Variants in KHDRBS3 observed in about 807,000 individuals in gnomAD.
KHDRBS3 encodes the protein KH RNA binding domain containing, signal transduction associated 3.
In KHDRBS3, 23 loss-of-function variants were observed where a neutral mutation model predicts 45.6. The ratio of observed to expected loss-of-function variants is 0.50; its 90% CI spans 0.36 to 0.72. The LOEUF (loss-of-function observed/expected upper bound fraction) is 0.72. KHDRBS3 is among the 30% of genes least tolerant of loss of function. The pLI, the probability that KHDRBS3 is intolerant of heterozygous loss-of-function variation, is 0.00. For synonymous variants in KHDRBS3, 162 were observed against 156.5 expected (o/e 1.04, Z -0.26); for missense variants, 352 against 424.8 (o/e 0.83, Z 1.51).
downstream of KHDRBS3, among the ~76,000 whole-genome samples, chr8:135,651,643 A>G (rs1336233886): frequency 1.3e-5 from 2 of 152,138 alleles, no homozygotes; most frequent in South Asian, 2.1e-4. Flanking sequence ...ATAGTGCCTC[A>G]TTTAGTCTGT....
intron 4 of KHDRBS3, among the ~76,000 whole-genome samples, chr8:135,554,007 A>G (rs547059534): frequency 3.9e-4 from 60 of 152,328 alleles, no homozygotes; most frequent in African/African-American, 1.4e-3. Context: ...TATAATGGTT[A>G]TATCAACAGT....
chr8:135,578,850 G>A (rs770456482), intron 5 of KHDRBS3, among the ~76,000 whole-genome samples: 2 of 152,146 alleles, frequency 1.3e-5, no homozygotes, highest in Non-Finnish European at 2.9e-5. Flanking sequence ...GAACGTGGAT[G>A]TTACTCCTTT....
intron 1 of KHDRBS3, among the ~76,000 whole-genome samples, chr8:135,506,604 A>G (rs528216713): frequency 1.3e-5 from 2 of 152,082 alleles, no homozygotes; most frequent in African/African-American, 4.8e-5. Flanking sequence ...GGGTGTCACC[A>G]TACTGGCCAG....
At chr8:135,631,120 G>C (rs180882354) in intron 7 of KHDRBS3, among the ~76,000 whole-genome samples, 1 of 151,854 alleles carries the variant, frequency 6.6e-6, no homozygotes. Context: ...GTGTGATGAC[G>C]TGCACCTGTA....
intron 7 of KHDRBS3, chr8:135,625,403 C>T (rs541934261): frequency 2.5e-6 from 2 of 792,576 alleles, no homozygotes; most frequent in African/African-American, 3.4e-5. Context: ...TGCATCAACT[C>T]AGCTGCCTCA....
intron 7 of KHDRBS3, among the ~76,000 whole-genome samples, chr8:135,616,739 A>G (rs1317005057): frequency 6.6e-6 from 1 of 152,206 alleles, no homozygotes; most frequent in Non-Finnish European, 1.5e-5. Flanking sequence ...GCTTGTGTTG[A>G]TGACCAAACC....
chr8:135,468,234 T>G (rs971466034), intron 1 of KHDRBS3, among the ~76,000 whole-genome samples: 3 of 152,182 alleles, frequency 2.0e-5, no homozygotes, highest in Non-Finnish European at 1.5e-5. Flanking sequence ...GGCTTAGTAT[T>G]TTTTTAATCT....
At chr8:135,570,049 A>ATT (rs1198557891) in intron 5 of KHDRBS3, among the ~76,000 whole-genome samples, 1 of 152,204 alleles carries the variant, frequency 6.6e-6, no homozygotes, top group African/African-American at 2.4e-5. Flanking sequence ...TTACGGGGCA[A>ATT]TTCTGTATCT....
In KHDRBS3 at chr8:135,647,040, A is replaced by G. The variant is rs752776127; in HGVS notation, c.997A>G (p.Thr333Ala). ...NSRHKAPSAR[T>A]AKGVYRDQPY... is the part of the protein sequence containing the mutation. ...AAGACACAAGGCACCTTCAGCGAGG[A>G]CAGCAAAGGGCGTCTACAGAGACCA... The change falls in exon 9 of 9, where the codon ACA (threonine) becomes GCA (alanine). Residue 333 changes from threonine (T) to alanine (A), a missense_variant. Transcript: ENST00000355849. 5 of 1,611,412 alleles carry G rather than the reference A, an allele frequency of 3.1e-6. No homozygotes were observed. The highest frequency in any genetic ancestry group is 4.2e-6 in the Non-Finnish European group (5 of 1,177,548).
At position 135,593,983 on chromosome 8, in the gene KHDRBS3, G is replaced by A. The variant is rs536586857; in HGVS notation, c.807+11910G>A. 4.5e-3 allele frequency among the ~76,000 whole-genome samples: 685 copies of A among 152,242 alleles called. 6 individuals carry two copies. The highest frequency in any genetic ancestry group is 0.015 in the African/African-American group (623 of 41,546). ...GTAGGAGGAACCAAGAGGACTCTGCGCAGACTCGATGTGATATTTAAAGGC... is the reference window on the plus strand; with the variant it reads ...GTAGGAGGAACCAAGAGGACTCTGCACAGACTCGATGTGATATTTAAAGGC... On this transcript the variant is annotated intron_variant, in intron 6 of 8. Transcript: ENST00000355849.
chr8:135,554,784 C>T (rs1175286630), intron 4 of KHDRBS3, among the ~76,000 whole-genome samples: 3 of 152,028 alleles, frequency 2.0e-5, no homozygotes, highest in Non-Finnish European at 4.4e-5. Context: ...TCATTTTTTG[C>T]ATTCTGCTTT....
chr8:135,591,816 G>A (rs373330508), intron 6 of KHDRBS3, among the ~76,000 whole-genome samples: 183 of 152,292 alleles, frequency 1.2e-3, no homozygotes, highest in African/African-American at 3.8e-3. Flanking sequence ...CTAGTTTGGG[G>A]ATTTTTATAG....
intron 6 of KHDRBS3, among the ~76,000 whole-genome samples, chr8:135,600,260 A>G (rs147942428): frequency 1.6e-4 from 25 of 152,372 alleles, no homozygotes; most frequent in African/African-American, 5.3e-4. Context: ...GAGGATTTGC[A>G]TTCTAGGTGT....
chr8:135,497,742 A>AT (rs1823530627), intron 1 of KHDRBS3, among the ~76,000 whole-genome samples: 1 of 152,108 alleles, frequency 6.6e-6, no homozygotes, highest in South Asian at 2.1e-4. Flanking sequence ...AAGTTATTTA[A>AT]TTTTTTTCAG....
chr8:135,602,721 TAC>T (rs1829273074), intron 6 of KHDRBS3, among the ~76,000 whole-genome samples: 1 of 152,318 alleles, frequency 6.6e-6, no homozygotes, highest in East Asian at 1.9e-4. Context: ...GTGTGCACGA[TAC>T]AGTGACCTGG....
At chr8:135,538,073 G>C (rs1228255830) in intron 2 of KHDRBS3, among the ~76,000 whole-genome samples, 1 of 152,136 alleles carries the variant, frequency 6.6e-6, no homozygotes, top group African/African-American at 2.4e-5. Context: ...GGCAGAAAAA[G>C]GCTTTCCTTT....
chr8:135,478,131 G>A (rs1362313742), intron 1 of KHDRBS3, among the ~76,000 whole-genome samples: 1 of 152,080 alleles, frequency 6.6e-6, no homozygotes, highest in Admixed American at 6.6e-5. Context: ...CATAAAACTG[G>A]TCCCTGACAC....
intron 2 of KHDRBS3, among the ~76,000 whole-genome samples, chr8:135,534,734 C>T (rs1825647730): frequency 6.6e-6 from 1 of 152,176 alleles, no homozygotes. Context: ...GTGCCCTTCC[C>T]GGAGTTTGTC....
chr8:135,654,321 GGAAT>G lies in KHDRBS3; in HGVS notation c.*118-1900_*118-1897del, dbSNP rs563459053. Among the ~76,000 whole-genome samples, 37 of 152,254 alleles carry G rather than the reference GGAAT, an allele frequency of 2.4e-4. No individual in the cohort carries two copies. In the South Asian group the frequency reaches 7.5e-3, roughly 31 times the overall value. ...AGAAGCCATGTTTATAAACATCTGT[GGAAT>G]GAATTTTTAAAGTAGACCTACTGGG... On this transcript the variant is annotated intron_variant and NMD_transcript_variant, in intron 4 of 4. Transcript: ENST00000521461.
Sources: gnomAD v4.1 joint callset for allele counts (sites outside exome capture counted in the v4.1 genomes callset) on GRCh38, gnomAD v4.1.1 for gene constraint, MANE v1.5 for transcripts, NCBI Gene and HGNC (gene_info 2026-07-23, HGNC 2026-07-21) for gene names.